ABCA10: variants seen among roughly 807,000 people sequenced by gnomAD.
ABCA10 encodes ATP-binding cassette sub-family A member 10.
A neutral mutation model predicts 187.5 loss-of-function variants in ABCA10; 169 were observed. That is an observed-to-expected ratio of 0.90 (90% CI 0.80 to 1.02). The LOEUF (loss-of-function observed/expected upper bound fraction) is 1.02. Among genes scored for constraint, ABCA10 ranks in the 50% least tolerant of loss-of-function variants. The pLI is 0.00. For synonymous variants in ABCA10, 574 were observed against 601.8 expected, an observed-to-expected ratio of 0.95 and a Z score of 0.68; for missense variants, 1,727 against 1,812.4, an observed-to-expected ratio of 0.95 and a Z score of 0.86.
chr17:69,225,568 T>C (rs2074787573), intron 2 of ABCA10, 39 bp from the exon 3 acceptor site: 1 of 517,702 alleles, frequency 1.9e-6, no homozygotes, highest in Non-Finnish European at 3.4e-6. Flanking sequence ...TGTTATAACG[T>C]GGTCCAGACC....
At chr17:69,202,367 T>G (rs1036005247) in intron 9 of ABCA10, among the ~76,000 whole-genome samples, 6 of 152,110 alleles carry the variant, frequency 3.9e-5, no homozygotes, top group Non-Finnish European at 8.8e-5. Flanking sequence ...AGTATATAAT[T>G]CACTGTAAAA....
At chr17:69,210,165 T>TC (rs2074628127) in intron 9 of ABCA10, among the ~76,000 whole-genome samples, 8 of 141,248 alleles carry the variant, frequency 5.7e-5, no homozygotes, top group African/African-American at 2.0e-4. Flanking sequence ...ATTTAGTGGT[T>TC]ATTTCTTTTT....
In ABCA10 at chr17:69,222,715, C is replaced by T. The variant is rs1568074898; in HGVS notation, c.35-18G>A. The T allele has an allele frequency of 6.5e-7, 1 of 1,542,342 alleles. No individual in the cohort carries two copies. The highest frequency in any genetic ancestry group is 8.7e-7 in the Non-Finnish European group (1 of 1,155,712). ...TGTTCTTCCTACCATGTATGAAAAA[C>T]ATAAATAAATAATCATGTAAACTTA... On this transcript the variant is annotated intron_variant, in intron 3 of 38. Transcript: ENST00000690296.
intron 25 of ABCA10, among the ~76,000 whole-genome samples, chr17:69,167,687 C>A (rs1262732093): frequency 6.6e-6 from 1 of 151,802 alleles, no homozygotes; most frequent in African/African-American, 2.4e-5. Flanking sequence ...AGAAGCAGTG[C>A]CAGAAAAAGA....
At chr17:69,235,298 G>A (rs111573938) in intron 1 of ABCA10, among the ~76,000 whole-genome samples, 142 of 152,208 alleles carry the variant, frequency 9.3e-4, no homozygotes, top group African/African-American at 3.1e-3. Context: ...ATTTATAACC[G>A]GTGATTACAA....
intron 18 of ABCA10, 119 bp from the exon 19 acceptor site, chr17:69,187,998 AT>A: frequency 1.2e-6 from 1 of 843,898 alleles, no homozygotes; most frequent in South Asian, 1.8e-5. Flanking sequence ...AGCTACTGAT[AT>A]CCATAATCAA....
At chr17:69,191,345 T>G in intron 16 of ABCA10, 30 bp from the exon 17 acceptor site, 1 of 1,493,842 alleles carries the variant, frequency 6.7e-7, no homozygotes. Context: ...ATAAGTCTCT[T>G]GAATTCTTTT....
In ABCA10 at chr17:69,207,420, GA is replaced by G; in HGVS notation, c.1007-5753del. ...CCTAAGGGAAGGAAGCCATTACACT[GA>G]AGAGATATCTGCACTCCCATATTCG... is the stretch of plus-strand genomic sequence containing the variant. On this transcript the variant is annotated intron_variant, in intron 9 of 38. Transcript: ENST00000690296. Among the ~76,000 whole-genome samples the G allele has an allele frequency of 2.0e-5, 3 of 152,268 alleles. No individual in the cohort carries two copies. In the South Asian group the frequency reaches 6.2e-4, roughly 32 times the overall value.
At chr17:69,187,656 A>T (rs1214885121) in intron 19 of ABCA10, 25 bp downstream of exon 19, 1 of 1,597,582 alleles carries the variant, frequency 6.3e-7, no homozygotes, top group South Asian at 1.1e-5. Flanking sequence ...CTGACCAAAT[A>T]GATATAAAGT....
chr17:69,190,625 A>G, intron 17 of ABCA10, 148 bp from the exon 18 acceptor site: 2 of 712,198 alleles, frequency 2.8e-6, no homozygotes, highest in Non-Finnish European at 4.2e-6. Flanking sequence ...CTTTTCTGTA[A>G]GATATTCTCT....
At chr17:69,165,172 A>G (rs1440422360) in intron 25 of ABCA10, 89 bp from the exon 26 acceptor site, 3 of 1,129,290 alleles carry the variant, frequency 2.7e-6, no homozygotes, top group Non-Finnish European at 1.3e-6. Flanking sequence ...TTCCTGGGAG[A>G]TACTGCCATT....
chr17:69,161,357 C>A (rs1382560033), intron 27 of ABCA10, among the ~76,000 whole-genome samples: 3 of 152,112 alleles, frequency 2.0e-5, no homozygotes. Flanking sequence ...AAAAACTGAA[C>A]TATATATTTA....
At chr17:69,213,400 C>G (rs1277760546) in intron 9 of ABCA10, among the ~76,000 whole-genome samples, 5 of 81,888 alleles carry the variant, frequency 6.1e-5, no homozygotes, top group African/African-American at 2.1e-4. Flanking sequence ...CTGTGGGCGA[C>G]AGGTTTGCGG....
At chr17:69,222,200 C>T (rs1443008942) in intron 4 of ABCA10, among the ~76,000 whole-genome samples, 6 of 151,648 alleles carry the variant, frequency 4.0e-5, no homozygotes, top group Non-Finnish European at 1.5e-5. Flanking sequence ...ACTAAAAATA[C>T]AAAAAAATTA....
chr17:69,149,138 G>T, intron 37 of ABCA10, 50 bp from the exon 38 acceptor site: 1 of 1,594,572 alleles, frequency 6.3e-7, no homozygotes, highest in Non-Finnish European at 8.6e-7. Context: ...TTCACCAAGT[G>T]TTTGTAAAGT....
At chr17:69,238,162 A>G (rs2144867460) in intron 1 of ABCA10, among the ~76,000 whole-genome samples, 1 of 141,804 alleles carries the variant, frequency 7.1e-6, no homozygotes, top group African/African-American at 2.8e-5. Context: ...ACTCTGTCAA[A>G]AAAAAAAAAA....
At chr17:69,243,635 C>T (rs1433441884) in intron 1 of ABCA10, among the ~76,000 whole-genome samples, 1 of 152,192 alleles carries the variant, frequency 6.6e-6, no homozygotes, top group Non-Finnish European at 1.5e-5. Flanking sequence ...CAGTGGTTCA[C>T]ACCTGTAATT....
chr17:69,151,231 G>T (rs1399884119), intron 36 of ABCA10, among the ~76,000 whole-genome samples: 1 of 152,074 alleles, frequency 6.6e-6, no homozygotes, highest in Non-Finnish European at 1.5e-5. Context: ...CTTTAAATGT[G>T]CTGTTTCCTG....
chr17:69,222,979 C>T (rs1347909466), intron 3 of ABCA10, among the ~76,000 whole-genome samples: 1 of 142,756 alleles, frequency 7.0e-6, no homozygotes, highest in African/African-American at 2.6e-5. Flanking sequence ...CCTATGTAAG[C>T]ATAGAAACAT....
Sources: allele counts gnomAD v4.1 joint callset (sites outside exome capture counted in the v4.1 genomes callset), GRCh38; gene constraint gnomAD v4.1.1; transcripts MANE v1.5; gene names NCBI Gene and HGNC (gene_info 2026-07-23, HGNC 2026-07-21).